CACNA1A: variants seen among roughly 807,000 people sequenced by gnomAD.
CACNA1A encodes the protein voltage-dependent P/Q-type calcium channel subunit alpha-1A.
CACNA1A carries 57 observed loss-of-function variants against 262.4 expected under a neutral mutation model. The ratio of observed to expected loss-of-function variants is 0.22; its 90% confidence interval spans 0.18 to 0.27. CACNA1A has a LOEUF of 0.27. Among genes scored for constraint, CACNA1A ranks in the 10% least tolerant of loss-of-function variants. CACNA1A has a pLI of 1.00. For missense variants in CACNA1A, 2,526 were observed against 3,562.8 expected (o/e 0.71, Z 7.41); for synonymous variants, 1,431 against 1,419.3 (o/e 1.01, Z -0.18).
chr19:13,233,335 A>T (rs1051933444), intron 34 of CACNA1A, among the ~76,000 whole-genome samples: 1 of 152,152 alleles, frequency 6.6e-6, no homozygotes, highest in Admixed American at 6.6e-5. Flanking sequence ...GATTAAAAAC[A>T]TTATTATTTT....
chr19:13,231,624 C>T (rs1013302400), intron 35 of CACNA1A, 86 bp downstream of exon 35: 190 of 1,392,670 alleles, frequency 1.4e-4, no homozygotes, highest in Middle Eastern at 1.1e-3. Flanking sequence ...GCCTTCGACA[C>T]AGCCACATTC....
At chr19:13,413,162 A>G (rs1241971427) in intron 3 of CACNA1A, among the ~76,000 whole-genome samples, 1 of 150,064 alleles carries the variant, frequency 6.7e-6, no homozygotes, top group Admixed American at 6.7e-5. Flanking sequence ...GCTGGAGTGC[A>G]GTGGCGTGAT....
intron 3 of CACNA1A, among the ~76,000 whole-genome samples, chr19:13,373,827 A>G (rs1012891486): frequency 6.6e-6 from 1 of 152,206 alleles, no homozygotes; most frequent in Non-Finnish European, 1.5e-5. Context: ...AGCGTATCCT[A>G]TGTGCTGGGT....
chr19:13,472,333 G>A (rs77454322), intron 1 of CACNA1A, among the ~76,000 whole-genome samples: 5,192 of 151,710 alleles, frequency 0.034, 437 homozygotes, highest in East Asian at 0.29. Context: ...CTTTATATAT[G>A]TAATATTATA....
At chr19:13,391,808 A>G (rs1292665385) in intron 3 of CACNA1A, among the ~76,000 whole-genome samples, 4 of 152,010 alleles carry the variant, frequency 2.6e-5, no homozygotes, top group Non-Finnish European at 5.9e-5. Flanking sequence ...AGGCTGAGGC[A>G]GGAGGACTGC....
intron 3 of CACNA1A, among the ~76,000 whole-genome samples, chr19:13,408,760 C>G (rs2060057207): frequency 6.6e-6 from 1 of 152,032 alleles, no homozygotes; most frequent in African/African-American, 2.4e-5. Flanking sequence ...AAAGGGGAGA[C>G]AGTAGTTGGT....
chr19:13,434,285 T>C (rs1465603433), intron 3 of CACNA1A, among the ~76,000 whole-genome samples: 1 of 152,172 alleles, frequency 6.6e-6, no homozygotes, highest in East Asian at 1.9e-4. Context: ...GCCTCCTGAA[T>C]AGCTGGGACT....
chr19:13,220,759 G>A (rs2055190097), intron 38 of CACNA1A, among the ~76,000 whole-genome samples: 1 of 152,084 alleles, frequency 6.6e-6, no homozygotes, highest in Non-Finnish European at 1.5e-5. Context: ...CCAAGTAGTT[G>A]GGACTACAGG....
chr19:13,245,452 C>T (rs570738065), intron 30 of CACNA1A, 187 bp from the exon 31 acceptor site: 2 of 592,614 alleles, frequency 3.4e-6, no homozygotes, highest in Non-Finnish European at 3.1e-6. Flanking sequence ...TCCCTGGGAA[C>T]TCCTGGGGGC....
intron 10 of CACNA1A, among the ~76,000 whole-genome samples, chr19:13,326,429 G>A (rs561505701): frequency 2.6e-5 from 4 of 152,262 alleles, no homozygotes; most frequent in African/African-American, 9.6e-5. Flanking sequence ...AATTAGGAAT[G>A]AACCTGCTTT....
At chr19:13,405,654 C>T (rs183136072) in intron 3 of CACNA1A, among the ~76,000 whole-genome samples, 10 of 152,284 alleles carry the variant, frequency 6.6e-5, no homozygotes, top group Admixed American at 2.0e-4. Flanking sequence ...TTATTATCCC[C>T]ATTGAACAGA....
In CACNA1A at chr19:13,231,834, T is replaced by A; in HGVS notation, c.5276A>T (p.Asn1759Ile). 6.2e-7 allele frequency: 1 copy of A among 1,613,736 alleles called. No individual in the cohort carries two copies. The highest frequency in any genetic ancestry group is 8.5e-7 in the Non-Finnish European group (1 of 1,179,690). The change falls in exon 35 of 47, where the codon AAC becomes ATC. Residue 1759 changes from asparagine (N) to isoleucine (I), a missense_variant. Asn to Ile is a moderately radical substitution (Grantham distance 149, BLOSUM62 -3). Around this residue, in one of 17 missense-constraint regions of CACNA1A, gnomAD observed 39 missense variants for 124.9 expected, o/e 0.31. Coordinates refer to ENST00000360228, the MANE Select transcript of CACNA1A (RefSeq NM_001127222.2). ...FRSATGEAWH[N>I]IMLSCLSGKP... ...CCCGCTGAGGCAGGAAAGCATGATGTTGTGCCAAGCTTCCCCGGTGGCACT... is the reference window on the plus strand; with the variant it reads ...CCCGCTGAGGCAGGAAAGCATGATGATGTGCCAAGCTTCCCCGGTGGCACT...
chr19:13,342,206 T>C (rs900163442), intron 6 of CACNA1A, among the ~76,000 whole-genome samples: 2 of 148,346 alleles, frequency 1.3e-5, no homozygotes, highest in Non-Finnish European at 3.0e-5. Flanking sequence ...GAGCTTTCCC[T>C]GGTTTGGGGG....
chr19:13,460,732 A>G (rs1487314794), intron 1 of CACNA1A, among the ~76,000 whole-genome samples: 1 of 151,994 alleles, frequency 6.6e-6, no homozygotes, highest in African/African-American at 2.4e-5. Context: ...ATTTGTACCC[A>G]GGGGCCTTTG....
chr19:13,282,792 C>T (rs530153705), intron 22 of CACNA1A, among the ~76,000 whole-genome samples: 71 of 152,184 alleles, frequency 4.7e-4, no homozygotes, highest in African/African-American at 1.5e-3. Flanking sequence ...TGTCAACAGA[C>T]CCACCATCCG....
At chr19:13,338,015 C>T (rs539365283) in intron 6 of CACNA1A, among the ~76,000 whole-genome samples, 16 of 152,236 alleles carry the variant, frequency 1.1e-4, no homozygotes, top group African/African-American at 2.9e-4. Flanking sequence ...GTCAGGAGAT[C>T]GAGGCCATCC....
chr19:13,239,890 C>A (rs1203607977), intron 31 of CACNA1A, among the ~76,000 whole-genome samples: 1 of 151,932 alleles, frequency 6.6e-6, no homozygotes, highest in African/African-American at 2.4e-5. Flanking sequence ...GTGGCTCACA[C>A]CTGTAATCCC....
intron 3 of CACNA1A, among the ~76,000 whole-genome samples, chr19:13,418,109 A>G (rs980339981): frequency 1.3e-5 from 2 of 152,134 alleles, no homozygotes; most frequent in Non-Finnish European, 2.9e-5. Context: ...TGGCTCTGCC[A>G]CTTACTGTTC....
At chr19:13,471,753 G>T (rs72999662) in intron 1 of CACNA1A, among the ~76,000 whole-genome samples, 13,568 of 151,994 alleles carry the variant, frequency 0.089, 925 homozygotes, top group East Asian at 0.2. Flanking sequence ...CAAATTTGTA[G>T]TTACCAGGAG....
Sources: gnomAD v4.1 joint callset for allele counts (sites outside exome capture counted in the v4.1 genomes callset) on GRCh38, gnomAD v4.1.1 for gene constraint, gnomAD v4.1.1 regional missense constraint, MANE v1.5 for transcripts, NCBI Gene and HGNC (gene_info 2026-07-23, HGNC 2026-07-21) for gene names.